Variants in TDRP observed in about 807,000 individuals in gnomAD.
The protein encoded by TDRP is testis development-related protein.
In TDRP, 12 loss-of-function variants were observed where a neutral mutation model predicts 10.5. That is an observed-to-expected ratio of 1.15 (90% confidence interval 0.73 to 1.86). The LOEUF is 1.86. Ranked by LOEUF, TDRP falls within the 40% of genes most tolerant of loss-of-function variation. The pLI, the probability that TDRP is intolerant of heterozygous loss-of-function variation, is 0.00. For synonymous variants in TDRP, 139 were observed against 95.4 expected (o/e 1.46, Z -2.67); for missense variants, 353 against 229.2 (o/e 1.54, Z -3.49).
At chr8:504,948 G>C (rs1028533936) in intron 1 of TDRP, among the ~76,000 whole-genome samples, 3 of 152,050 alleles carry the variant, frequency 2.0e-5, no homozygotes, top group Admixed American at 6.5e-5. Context: ...GGAAAGATTT[G>C]GGGAACAGGG....
In TDRP at chr8:498,945, C is replaced by G. The variant is rs886073011; in HGVS notation, c.109-4348G>C. Among the ~76,000 whole-genome samples, 8 of 152,120 alleles carry G rather than the reference C, an allele frequency of 5.3e-5. No homozygotes were observed. In the East Asian group the frequency reaches 1.5e-3, roughly 29 times the overall value. ...GATGTGCCTTGTTTTCCCTTCACCT[C>G]CTTACGTAAGTTTCCTGAGGCCTCC... On this transcript the variant is annotated intron_variant, in intron 1 of 2. Coordinates refer to ENST00000324079, the MANE Select transcript of TDRP (RefSeq NM_001384899.1).
At chr8:525,366 G>A (rs2116836071) in intron 1 of TDRP, among the ~76,000 whole-genome samples, 1 of 152,228 alleles carries the variant, frequency 6.6e-6, no homozygotes, top group East Asian at 1.9e-4. Flanking sequence ...GAAATTATCT[G>A]AAGGTACAAA....
chr8:538,311 G>T (rs111260385), intron 1 of TDRP, among the ~76,000 whole-genome samples: 7 of 152,164 alleles, frequency 4.6e-5, no homozygotes, highest in African/African-American at 1.7e-4. Context: ...GAGGAGGTTC[G>T]CACTGCAGGG....
intron 1 of TDRP, among the ~76,000 whole-genome samples, chr8:515,841 C>G (rs557746895): frequency 8.9e-4 from 136 of 152,036 alleles, no homozygotes; most frequent in African/African-American, 2.9e-3. Context: ...TACTTTTAGA[C>G]AATGACTACA....
intron 1 of TDRP, among the ~76,000 whole-genome samples, chr8:530,896 G>A (rs1802173818): frequency 6.6e-6 from 1 of 152,130 alleles, no homozygotes; most frequent in African/African-American, 2.4e-5. Context: ...TGACTGTGCT[G>A]AGCTGTCCCG....
At chr8:505,445 A>G (rs933578664) in intron 1 of TDRP, among the ~76,000 whole-genome samples, 3 of 152,244 alleles carry the variant, frequency 2.0e-5, no homozygotes, top group Non-Finnish European at 2.9e-5. Flanking sequence ...TTATAAAACT[A>G]GAACAAGCAA....
At chr8:529,423 T>C (rs1802124590) in intron 1 of TDRP, among the ~76,000 whole-genome samples, 1 of 152,202 alleles carries the variant, frequency 6.6e-6, no homozygotes, top group African/African-American at 2.4e-5. Flanking sequence ...ATTACTATAT[T>C]ATAGGATTCT....
At chr8:544,009 C>T (rs1026585215) in intron 1 of TDRP, among the ~76,000 whole-genome samples, 1 of 152,128 alleles carries the variant, frequency 6.6e-6, no homozygotes, top group African/African-American at 2.4e-5. Flanking sequence ...AAATTCTAGA[C>T]ATACCAAACA....
At chr8:518,859 T>C (rs1801824031) in intron 1 of TDRP, among the ~76,000 whole-genome samples, 2 of 152,164 alleles carry the variant, frequency 1.3e-5, no homozygotes, top group African/African-American at 2.4e-5. Flanking sequence ...TACTGGAGTA[T>C]GGTATAAAAA....
In TDRP at chr8:490,858, A is replaced by AT. The variant is rs1393974162; in HGVS notation, c.*1540dup. ...AAACATGTCCCCCTTTCAAGACTTG[A>AT]TAAGTAAACTTCTTGTTCTATTAAA... is the stretch of plus-strand genomic sequence containing the variant. On this transcript the variant is annotated 3_prime_UTR_variant, in exon 3 of 3. Transcript: ENST00000324079. The AT allele has an allele frequency of 6.6e-6, 1 of 152,174 alleles. No homozygotes were observed. The highest frequency in any genetic ancestry group is 6.5e-5 in the Admixed American group (1 of 15,286). The allele number at this position is 152,174 out of a possible 1,614,324, so 9.4% of individuals were successfully genotyped here.
At chr8:509,807 G>C (rs922337098) in intron 1 of TDRP, among the ~76,000 whole-genome samples, 1 of 152,102 alleles carries the variant, frequency 6.6e-6, no homozygotes, top group Non-Finnish European at 1.5e-5. Flanking sequence ...CTATTACTTT[G>C]TCAGGCTGCA....
intron 1 of TDRP, among the ~76,000 whole-genome samples, chr8:517,047 T>C (rs924116493): frequency 6.6e-6 from 1 of 152,158 alleles, no homozygotes; most frequent in African/African-American, 2.4e-5. Context: ...CCAGAAAAAC[T>C]AGTTCAGGCC....
At chr8:532,371 C>G (rs1385184345) in intron 1 of TDRP, among the ~76,000 whole-genome samples, 2 of 152,160 alleles carry the variant, frequency 1.3e-5, no homozygotes, top group Non-Finnish European at 1.5e-5. Context: ...CACATATTAG[C>G]CCCCAGGCTC....
rs1030656609 is a variant in TDRP at position 491,594 on chromosome 8, A to T, written c.*805T>A. The T allele has an allele frequency of 2.6e-6, 4 of 1,526,206 alleles. No homozygotes were observed. Among genetic ancestry groups the T allele is most frequent in the Admixed American group, 2.1e-5 (1 of 48,640 alleles). 94.5% of individuals were successfully genotyped at this position (1,526,206 alleles called of 1,614,324 possible). Reference sequence around the variant, plus strand: ...ACTTCAGTATTTTATGCACAGTCTTAACTCTCTATAATGAGCAAGACAATG... The same window carrying T: ...ACTTCAGTATTTTATGCACAGTCTTTACTCTCTATAATGAGCAAGACAATG... On this transcript the variant is annotated 3_prime_UTR_variant, in exon 3 of 3. Transcript: ENST00000324079.
rs1054695545 is a variant in TDRP at position 491,498 on chromosome 8, A to T, written c.*901T>A. ...TTGTGGAAAAAACACAGCTTCTTAC[A>T]GATCTAACACCAATCACAATAGGCA... is the stretch of plus-strand genomic sequence containing the variant. On this transcript the variant is annotated 3_prime_UTR_variant, in exon 3 of 3. Coordinates refer to ENST00000324079, the MANE Select transcript of TDRP (RefSeq NM_001384899.1). The T allele has an allele frequency of 1.0e-5, 10 of 985,184 alleles. No homozygotes were observed. The South Asian group carries it at 2.0e-4, about 20-fold the overall frequency. The allele number at this position is 985,184 out of a possible 1,614,324, so 61.0% of individuals were successfully genotyped here. A position where few individuals can be genotyped will look rare whatever the true frequency, so the allele number is the denominator to read the frequency against.
chr8:511,165 A>T (rs571512072), intron 1 of TDRP, among the ~76,000 whole-genome samples: 1 of 152,248 alleles, frequency 6.6e-6, no homozygotes, highest in African/African-American at 2.4e-5. Flanking sequence ...ATGGATTAAA[A>T]CTCCAAGCAA....
intron 1 of TDRP, among the ~76,000 whole-genome samples, chr8:512,786 C>G (rs1281070128): frequency 6.6e-6 from 1 of 152,018 alleles, no homozygotes; most frequent in Non-Finnish European, 1.5e-5. Flanking sequence ...AACAGCCTGG[C>G]CATGGCAAAA....
At chr8:493,801 GTTTT>G (rs1237225485) in intron 2 of TDRP, among the ~76,000 whole-genome samples, 2 of 151,882 alleles carry the variant, frequency 1.3e-5, no homozygotes, top group East Asian at 3.9e-4. Context: ...TTTTGGTTTG[GTTTT>G]TTTCTGAAAC....
intron 1 of TDRP, 86 bp downstream of exon 1, chr8:544,564 G>C: frequency 1.0e-6 from 1 of 953,012 alleles, no homozygotes; most frequent in African/African-American, 1.7e-5. Flanking sequence ...CCAACTACCC[G>C]CACCTCCACC....
Sources: gnomAD v4.1 joint callset for allele counts (sites outside exome capture counted in the v4.1 genomes callset) on GRCh38, gnomAD v4.1.1 for gene constraint, MANE v1.5 for transcripts, NCBI Gene and HGNC (gene_info 2026-07-23, HGNC 2026-07-21) for gene names.